The following SIPA1L3 variants were observed in gnomAD, a reference collection of about 807,000 sequenced individuals.
SIPA1L3 encodes the protein signal induced proliferation associated 1 like 3.
Under a neutral mutation model 150.1 loss-of-function variants are expected in SIPA1L3, and 59 were observed. The observed-to-expected ratio is 0.39, with a 90% CI of 0.32 to 0.49. SIPA1L3 has a LOEUF of 0.49. SIPA1L3 is among the 20% of genes least tolerant of loss of function. SIPA1L3 has a pLI of 0.86. For missense variants in SIPA1L3, 2,211 were observed against 2,489.5 expected (o/e 0.89, Z 2.38); for synonymous variants, 1,070 against 1,077.6 (o/e 0.99, Z 0.14).
intron 1 of SIPA1L3, among the ~76,000 whole-genome samples, chr19:37,980,929 T>G (rs902927408): frequency 6.6e-6 from 1 of 152,194 alleles, no homozygotes; most frequent in African/African-American, 2.4e-5. Context: ...TTCTTTCTAG[T>G]CATGAGACAC....
In SIPA1L3 at chr19:38,099,978, G is replaced by T. The variant is rs1475363414; in HGVS notation, c.1682G>T (p.Gly561Val). 1 of 1,606,632 alleles carries T rather than the reference G, an allele frequency of 6.2e-7. No individual in the cohort carries two copies. The highest frequency in any genetic ancestry group is 8.5e-7 in the Non-Finnish European group (1 of 1,177,506). ...FRTRELITLR[G>V]SILEDATPTA... is the part of the protein sequence containing the mutation. ...CTTGAGTAGCTCATCACCCTGCGGG[G>T]CTCCATCCTGGAAGATGCTACGCCC... Residue 561 changes from glycine (G) to valine (V), a missense_variant, in exon 5 of 22, where the codon GGC becomes GTC. By Grantham distance (109) the Gly-to-Val change is moderately radical. Coordinates refer to ENST00000222345, the MANE Select transcript of SIPA1L3 (RefSeq NM_015073.3).
At chr19:37,994,816 G>GT (rs1967592867) in intron 1 of SIPA1L3, among the ~76,000 whole-genome samples, 1 of 152,186 alleles carries the variant, frequency 6.6e-6, no homozygotes, top group Admixed American at 6.5e-5. Flanking sequence ...TGGGCTGCAG[G>GT]TAACAAGACG....
chr19:38,126,320 C>T (rs1971171508), intron 9 of SIPA1L3, among the ~76,000 whole-genome samples: 1 of 152,140 alleles, frequency 6.6e-6, no homozygotes, highest in African/African-American at 2.4e-5. Context: ...GTCTCAAATC[C>T]ACAGGTTGGA....
At chr19:38,110,062 G>A (rs1970703158) in intron 7 of SIPA1L3, 165 bp from the exon 8 acceptor site, 2 of 675,460 alleles carry the variant, frequency 3.0e-6, no homozygotes, top group African/African-American at 1.8e-5. Flanking sequence ...CTGAATGAGA[G>A]GGAACCACAG....
chr19:38,084,548 T>TAA (rs60242010), intron 3 of SIPA1L3, among the ~76,000 whole-genome samples: 11,566 of 93,200 alleles, frequency 0.12, 906 homozygotes, highest in African/African-American at 0.17. Flanking sequence ...GGGCTTTTCT[T>TAA]AAAAAAAAAA....
At chr19:38,021,197 C>T (rs1968365540) in intron 1 of SIPA1L3, among the ~76,000 whole-genome samples, 2 of 152,162 alleles carry the variant, frequency 1.3e-5, no homozygotes, top group Admixed American at 1.3e-4. Flanking sequence ...CCGGCTGCAG[C>T]AGGTGTTTCA....
intron 2 of SIPA1L3, among the ~76,000 whole-genome samples, chr19:38,044,288 A>T (rs1968999202): frequency 6.6e-6 from 1 of 152,186 alleles, no homozygotes; most frequent in South Asian, 2.1e-4. Context: ...AGACAGTTGG[A>T]TACGCATACC....
chr19:38,195,912 G>A (rs938956992), intron 18 of SIPA1L3, among the ~76,000 whole-genome samples: 2 of 151,454 alleles, frequency 1.3e-5, no homozygotes, highest in South Asian at 2.1e-4. Flanking sequence ...CCACCATACC[G>A]GGGGCCCCCC....
intron 2 of SIPA1L3, among the ~76,000 whole-genome samples, chr19:38,057,532 C>T (rs1969346879): frequency 6.6e-6 from 1 of 151,774 alleles, no homozygotes; most frequent in Non-Finnish European, 1.5e-5. Context: ...TGGTGTTGCT[C>T]ATTGAGGTTG....
chr19:38,084,081 T>A (rs1244108485), intron 3 of SIPA1L3, among the ~76,000 whole-genome samples: 1 of 151,090 alleles, frequency 6.6e-6, no homozygotes, highest in African/African-American at 2.4e-5. Flanking sequence ...TGTGAAGAAA[T>A]CCAGAGTTCA....
intron 15 of SIPA1L3, among the ~76,000 whole-genome samples, chr19:38,174,624 C>A (rs570871978): frequency 6.6e-6 from 1 of 151,930 alleles, no homozygotes; most frequent in Non-Finnish European, 1.5e-5. Flanking sequence ...CCGAGGCGGG[C>A]GGATCACCTG....
chr19:37,967,773 T>TA (rs1200549941), intron 1 of SIPA1L3, among the ~76,000 whole-genome samples: 7 of 150,612 alleles, frequency 4.6e-5, no homozygotes, highest in Non-Finnish European at 5.9e-5. Flanking sequence ...TTGTTAAACT[T>TA]TAAAAAAAAA....
intron 2 of SIPA1L3, among the ~76,000 whole-genome samples, chr19:38,071,016 C>T (rs973959273): frequency 3.3e-5 from 5 of 152,162 alleles, no homozygotes; most frequent in Admixed American, 6.5e-5. Flanking sequence ...GACAGCCCAT[C>T]CCACCCCTAC....
intron 1 of SIPA1L3, among the ~76,000 whole-genome samples, chr19:38,024,902 G>T (rs749626812): frequency 6.6e-6 from 1 of 152,098 alleles, no homozygotes; most frequent in Non-Finnish European, 1.5e-5. Flanking sequence ...AATGGTTCAG[G>T]GACCTGAAAA....
intron 1 of SIPA1L3, among the ~76,000 whole-genome samples, chr19:37,929,802 C>CTATTAACAT: frequency 6.6e-6 from 1 of 152,264 alleles, no homozygotes; most frequent in South Asian, 2.1e-4. Context: ...GTGGCCTCTG[C>CTATTAACAT]TATTAACATA....
At chr19:38,179,752 T>C (rs551674837) in intron 15 of SIPA1L3, among the ~76,000 whole-genome samples, 2 of 152,326 alleles carry the variant, frequency 1.3e-5, no homozygotes, top group East Asian at 3.9e-4. Context: ...TATAGAATCT[T>C]ATTTTAAACC....
At chr19:37,998,771 G>T (rs991736743) in intron 1 of SIPA1L3, among the ~76,000 whole-genome samples, 1 of 152,288 alleles carries the variant, frequency 6.6e-6, no homozygotes, top group Non-Finnish European at 1.5e-5. Flanking sequence ...GGAAGACAGA[G>T]TGAGACCCTG....
At chr19:38,203,644 G>A (rs1291231770) in intron 20 of SIPA1L3, 1 of 153,968 alleles carries the variant, frequency 6.5e-6, no homozygotes. Flanking sequence ...CTTGTTGCGG[G>A]GTGGCTCTCA....
At chr19:38,040,664 T>TA (rs1015135886) in intron 2 of SIPA1L3, among the ~76,000 whole-genome samples, 12 of 152,270 alleles carry the variant, frequency 7.9e-5, no homozygotes, top group Non-Finnish European at 1.6e-4. Context: ...ATCCTTTTTT[T>TA]AAAAAAAATT....
Sources: allele counts gnomAD v4.1 joint callset (sites outside exome capture counted in the v4.1 genomes callset), GRCh38; gene constraint gnomAD v4.1.1; transcripts MANE v1.5; gene names NCBI Gene and HGNC (gene_info 2026-07-23, HGNC 2026-07-21).